Variants in ACTN2 observed in about 807,000 individuals in gnomAD.
ACTN2 encodes the protein actinin alpha 2.
In ACTN2, 39 loss-of-function variants were observed where a neutral mutation model predicts 113.8. The observed-to-expected ratio is 0.34, with a 90% CI of 0.27 to 0.45. ACTN2 has a LOEUF of 0.45. Among genes scored for constraint, ACTN2 ranks in the 20% least tolerant of loss-of-function variants. ACTN2 has a pLI of 1.00. For missense variants in ACTN2, 992 were observed against 1,177.9 expected, an observed-to-expected ratio of 0.84 and a Z score of 2.31; for synonymous variants, 429 against 444.1, an observed-to-expected ratio of 0.97 and a Z score of 0.43.
intron 1 of ACTN2, among the ~76,000 whole-genome samples, chr1:236,693,177 G>GCACACACACA (rs35891713): frequency 5.6e-4 from 84 of 149,142 alleles, no homozygotes; most frequent in Middle Eastern, 6.9e-3. Context: ...CTGCACACAT[G>GCACACACACA]CACACACACA....
intron 1 of ACTN2, among the ~76,000 whole-genome samples, chr1:236,692,174 G>A (rs1217213986): frequency 6.6e-6 from 1 of 152,240 alleles, no homozygotes; most frequent in Non-Finnish European, 1.5e-5. Flanking sequence ...TAGAAGCAGT[G>A]GTGAGGAAGG....
intron 6 of ACTN2, among the ~76,000 whole-genome samples, chr1:236,728,092 AG>A (rs1658606093): frequency 1.3e-5 from 2 of 151,734 alleles, no homozygotes; most frequent in South Asian, 4.2e-4. Flanking sequence ...TCTAAATATG[AG>A]AAGTGAAACC....
At chr1:236,687,912 A>G (rs1208137636) in intron 1 of ACTN2, among the ~76,000 whole-genome samples, 1 of 152,226 alleles carries the variant, frequency 6.6e-6, no homozygotes, top group African/African-American at 2.4e-5. Context: ...CCTCTCTCCT[A>G]AAATACCATT....
chr1:236,749,402 C>T, intron 14 of ACTN2, 138 bp downstream of exon 14: 1 of 1,103,842 alleles, frequency 9.1e-7, no homozygotes, highest in Non-Finnish European at 1.3e-6. Context: ...CCAAATTACC[C>T]TTGAACCTTA....
chr1:236,689,336 T>C lies in ACTN2; in HGVS notation c.126+2537T>C, dbSNP rs1415514534. 2.8e-3 allele frequency among the ~76,000 whole-genome samples: 93 copies of C among 33,726 alleles called. 1 individual carries two copies. Among genetic ancestry groups the C allele is most frequent in the African/African-American group, 4.6e-3 (86 of 18,642 alleles). 22.1% of individuals were successfully genotyped at this position (33,726 alleles called of 152,430 possible). On this transcript the variant is annotated intron_variant, in intron 1 of 20. Coordinates refer to ENST00000366578, the MANE Select transcript of ACTN2 (RefSeq NM_001103.4). ...ATATATATATATATATATATATATA[T>C]ATACACACACATATGTATATTTTAT...
At chr1:236,698,374 CAGAA>C (rs1486535803) in intron 1 of ACTN2, among the ~76,000 whole-genome samples, 1 of 151,998 alleles carries the variant, frequency 6.6e-6, no homozygotes, top group Admixed American at 6.6e-5. Flanking sequence ...TTTTGGGTGT[CAGAA>C]AGAACAGTCA....
At chr1:236,694,023 A>G (rs970690731) in intron 1 of ACTN2, among the ~76,000 whole-genome samples, 2 of 151,970 alleles carry the variant, frequency 1.3e-5, no homozygotes, top group African/African-American at 4.8e-5. Flanking sequence ...TGTCTCTTCC[A>G]TAGACCCTCC....
intron 1 of ACTN2, among the ~76,000 whole-genome samples, chr1:236,697,434 C>A (rs1326681009): frequency 6.6e-6 from 1 of 152,166 alleles, no homozygotes; most frequent in Admixed American, 6.5e-5. Context: ...GCAATGGCTG[C>A]AACTCTGAGG....
In ACTN2 at chr1:236,742,923, G is replaced by A. The variant is rs1659115252; in HGVS notation, c.1135G>A (p.Glu379Lys). 8.1e-6 allele frequency: 13 copies of A among 1,614,214 alleles called. No individual in the cohort carries two copies. Among genetic ancestry groups the A allele is most frequent in the Non-Finnish European group, 1.1e-5 (13 of 1,180,046 alleles). ...TATTGCTGGTGCCTGGCAGAGGCTGGAGCAGGCTGAGAAGGGTTACGAGGA... is the reference window on the plus strand; with the variant it reads ...TATTGCTGGTGCCTGGCAGAGGCTGAAGCAGGCTGAGAAGGGTTACGAGGA... ...SDIAGAWQRL[E>K]QAEKGYEEWL... The change falls in exon 11 of 21, where the codon GAG becomes AAG. Residue 379 changes from glutamate (E) to lysine (K), a missense_variant. By Grantham distance (56) the Glu-to-Lys change is moderately conservative. Transcript: ENST00000366578.
intron 10 of ACTN2, among the ~76,000 whole-genome samples, chr1:236,740,844 C>T (rs1196374795): frequency 2.0e-5 from 3 of 151,954 alleles, no homozygotes; most frequent in Non-Finnish European, 4.4e-5. Context: ...GGCCCAGCTG[C>T]CCATTTCCCC....
At chr1:236,696,375 A>G (rs1012361915) in intron 1 of ACTN2, among the ~76,000 whole-genome samples, 5 of 151,884 alleles carry the variant, frequency 3.3e-5, no homozygotes, top group Admixed American at 2.0e-4. Flanking sequence ...ATATGAAGCT[A>G]TGATTGAGTT....
intron 6 of ACTN2, among the ~76,000 whole-genome samples, chr1:236,729,133 C>T (rs777193825): frequency 3.3e-5 from 5 of 151,678 alleles, no homozygotes; most frequent in Non-Finnish European, 5.9e-5. Context: ...ATTAGCTAGG[C>T]GTGGTGGCAG....
Position 236,735,366 on chromosome 1 carries a change from C to T in ACTN2, c.698-269C>T, listed in dbSNP as rs16834315. Among the ~76,000 whole-genome samples the T allele has an allele frequency of 5.5e-3, 840 of 151,776 alleles. 4 individuals carry two copies. Among genetic ancestry groups the T allele is most frequent in the South Asian group, 0.017 (82 of 4,766 alleles). The stretch of plus-strand genomic sequence containing the variant: ...TTTCCATGTGAAAGCATTGAATGCA[C>T]CTTTAAAAGCCCATCAAGGGGTGGG... On this transcript the variant is annotated intron_variant, in intron 7 of 20. Coordinates refer to ENST00000366578, the MANE Select transcript of ACTN2 (RefSeq NM_001103.4).
In ACTN2 at chr1:236,751,511, C is replaced by A. The variant is rs148961019; in HGVS notation, c.1698C>A (p.Pro566=). 1.9e-6 allele frequency: 3 copies of A among 1,613,986 alleles called. No homozygotes were observed. Among genetic ancestry groups the A allele is most frequent in the Non-Finnish European group, 2.5e-6 (3 of 1,180,006 alleles). Residue 566 remains proline (P), a synonymous_variant, in exon 15 of 21, where the codon CCC becomes CCA. Coordinates refer to ENST00000366578, the MANE Select transcript of ACTN2 (RefSeq NM_001103.4). ...ATGAGCAGTTCAAGGCCACGCTGCC[C>A]GAGGCGGACGGAGAGCGGCAGTCCA... ...TAHEQFKATL[P]EADGERQSIM...
chr1:236,697,516 A>G (rs375241670), intron 1 of ACTN2, among the ~76,000 whole-genome samples: 33 of 152,328 alleles, frequency 2.2e-4, no homozygotes, highest in African/African-American at 6.0e-4. Flanking sequence ...AGAGGAAGCA[A>G]TGTTGGGAAC....
chr1:236,689,328 TATATATATATAC>T (rs1423573774), intron 1 of ACTN2, among the ~76,000 whole-genome samples: 16 of 32,186 alleles, frequency 5.0e-4, no homozygotes, highest in East Asian at 2.2e-3. Flanking sequence ...TATATATATA[TATATATATATAC>T]ACACACATAT....
intron 18 of ACTN2, among the ~76,000 whole-genome samples, chr1:236,758,812 G>T (rs762117706): frequency 6.6e-6 from 1 of 151,908 alleles, no homozygotes; most frequent in Non-Finnish European, 1.5e-5. Context: ...CTAGAAACAG[G>T]GTTTTACTAT....
At chr1:236,737,830 T>C (rs1658937411) in intron 9 of ACTN2, among the ~76,000 whole-genome samples, 1 of 152,180 alleles carries the variant, frequency 6.6e-6, no homozygotes, top group Non-Finnish European at 1.5e-5. Context: ...TTTCTTTTCG[T>C]TCTTGTTATA....
Position 236,704,425 on chromosome 1 carries a change from T to C in ACTN2, c.127-13433T>C, listed in dbSNP as rs548393570. On this transcript the variant is annotated intron_variant, in intron 1 of 20. Transcript: ENST00000366578. ...TGTATTTGATTCTGACACTGTCCGT[T>C]TGGTGATAGCACCGGATCCCACAGG... Among the ~76,000 whole-genome samples, 9 of 152,270 alleles carry C rather than the reference T, an allele frequency of 5.9e-5. 1 individual carries two copies. Among genetic ancestry groups the C allele is most frequent in the Admixed American group, 5.2e-4 (8 of 15,286 alleles).
Sources: gnomAD v4.1 joint callset for allele counts (sites outside exome capture counted in the v4.1 genomes callset) on GRCh38, gnomAD v4.1.1 for gene constraint, MANE v1.5 for transcripts, NCBI Gene and HGNC (gene_info 2026-07-23, HGNC 2026-07-21) for gene names.